The following IPO11 variants were observed in gnomAD, a reference collection of about 807,000 sequenced individuals.
The protein encoded by IPO11 is importin-11.
IPO11 carries 66 observed loss-of-function variants against 143.2 expected under a neutral mutation model. That is an observed-to-expected ratio of 0.46 (90% CI 0.38 to 0.57). IPO11 has a LOEUF of 0.57. IPO11 is among the 20% of genes least tolerant of loss of function. IPO11 has a pLI of 0.00. For synonymous variants in IPO11, 385 were observed against 377.8 expected (o/e 1.02, Z -0.22); for missense variants, 1,026 against 1,141.0 (o/e 0.90, Z 1.45).
At chr5:62,500,737 A>G (rs896514030) in intron 16 of IPO11, among the ~76,000 whole-genome samples, 4 of 152,142 alleles carry the variant, frequency 2.6e-5, no homozygotes, top group African/African-American at 4.8e-5. Flanking sequence ...GCCTCAAGCA[A>G]TTCTCCCTTT....
chr5:62,473,688 T>C (rs1745862391), intron 7 of IPO11, among the ~76,000 whole-genome samples: 1 of 152,216 alleles, frequency 6.6e-6, no homozygotes, highest in African/African-American at 2.4e-5. Context: ...TTATGATGTT[T>C]ATACACCAAC....
chr5:62,423,119 C>G (rs953991441), intron 1 of IPO11, among the ~76,000 whole-genome samples: 4 of 152,160 alleles, frequency 2.6e-5, no homozygotes, highest in Non-Finnish European at 4.4e-5. Flanking sequence ...ACTGAATGGA[C>G]TGTTCATACA....
rs776732789 is a variant in IPO11, at chr5:62,424,584, GTT to G, written c.-7+11670_-7+11671del. Among the ~76,000 whole-genome samples, 661 of 139,092 alleles carry G rather than the reference GTT, an allele frequency of 4.8e-3. 5 individuals are homozygous for G. Among genetic ancestry groups the G allele is most frequent in the African/African-American group, 0.016 (620 of 38,042 alleles). 91.2% of individuals were successfully genotyped at this position (139,092 alleles called of 152,430 possible). A position where few individuals can be genotyped will look rare whatever the true frequency, so the allele number is the denominator to read the frequency against. ...GTGCATGCCACCACACCTGGCTAAG[GTT>G]TTTTTTTTTTTTTTAATTTTTATTT... On this transcript the variant is annotated intron_variant, in intron 1 of 29. Coordinates refer to ENST00000325324, the MANE Select transcript of IPO11 (RefSeq NM_016338.5).
At chr5:62,560,432 G>A (rs989363840) in intron 26 of IPO11, among the ~76,000 whole-genome samples, 15 of 152,166 alleles carry the variant, frequency 9.9e-5, no homozygotes, top group African/African-American at 3.6e-4. Flanking sequence ...TCAGTGAATT[G>A]GATGAAGCCC....
chr5:62,507,401 T>C (rs1034656317), intron 19 of IPO11, among the ~76,000 whole-genome samples: 23 of 152,332 alleles, frequency 1.5e-4, no homozygotes, highest in Non-Finnish European at 2.9e-4. Context: ...GGTGTTTTTT[T>C]CAACAACATT....
intron 17 of IPO11, 21 bp downstream of exon 17, chr5:62,504,721 A>G (rs1162831020): frequency 6.8e-7 from 1 of 1,471,568 alleles, no homozygotes; most frequent in Admixed American, 2.0e-5. Flanking sequence ...GAAAATTTAA[A>G]AATACTTCAT....
chr5:62,456,563 C>G (rs1345550535), intron 5 of IPO11, among the ~76,000 whole-genome samples: 2 of 152,136 alleles, frequency 1.3e-5, no homozygotes, highest in African/African-American at 4.8e-5. Context: ...CTCAAGCAAT[C>G]CTCTCACCTC....
At position 62,474,397 on chromosome 5, in the gene IPO11, A is replaced by C; in HGVS notation, c.709-19A>C. ...TTATAACAATAAATTGAGATATTTA[A>C]AATAATATTCTTTTCTAGGGTTTTT... On this transcript the variant is annotated intron_variant, in intron 7 of 29. Coordinates refer to ENST00000325324, the MANE Select transcript of IPO11 (RefSeq NM_016338.5). The C allele has an allele frequency of 2.1e-6, 3 of 1,418,038 alleles. No homozygotes were observed. Among genetic ancestry groups the C allele is most frequent in the Non-Finnish European group, 1.9e-6 (2 of 1,032,122 alleles). The allele number at this position is 1,418,038 out of a possible 1,614,324, so 87.8% of individuals were successfully genotyped here.
At chr5:62,497,073 C>G (rs1341027018) in intron 16 of IPO11, among the ~76,000 whole-genome samples, 1 of 152,230 alleles carries the variant, frequency 6.6e-6, no homozygotes, top group African/African-American at 2.4e-5. Context: ...TCTGCATTCT[C>G]TTTCCTAAGG....
chr5:62,477,461 T>A (rs1561326700), intron 9 of IPO11, among the ~76,000 whole-genome samples: 1 of 152,228 alleles, frequency 6.6e-6, no homozygotes, highest in Non-Finnish European at 1.5e-5. Context: ...AGCTGTTTTT[T>A]ATCTTTGTGT....
At chr5:62,429,053 G>T (rs946862048) in intron 1 of IPO11, among the ~76,000 whole-genome samples, 1 of 152,088 alleles carries the variant, frequency 6.6e-6, no homozygotes, top group South Asian at 2.1e-4. Context: ...TGTAATTCAC[G>T]CACTGAAAAG....
At chr5:62,524,999 G>C (rs116549461) in intron 20 of IPO11, among the ~76,000 whole-genome samples, 1 of 152,068 alleles carries the variant, frequency 6.6e-6, no homozygotes, top group African/African-American at 2.4e-5. Context: ...GTAATACATT[G>C]AATCAACCTC....
chr5:62,553,346 G>GTGTGTGTT (rs1554055050), intron 26 of IPO11, among the ~76,000 whole-genome samples: 6 of 150,264 alleles, frequency 4.0e-5, no homozygotes, highest in African/African-American at 9.8e-5. Flanking sequence ...GTGTGTGTGT[G>GTGTGTGTT]TGTGTGTGTG....
rs145275538 is a variant in IPO11 at position 62,426,135 on chromosome 5, C to G, written c.-6-11139C>G. On this transcript the variant is annotated intron_variant, in intron 1 of 29. Transcript: ENST00000325324. Reference sequence around the variant, plus strand: ...GTCGTGGTGGCTCACGTCTGTAATCCCAGCACTTTGGGAGGCCAAGGCGGG... The same window carrying G: ...GTCGTGGTGGCTCACGTCTGTAATCGCAGCACTTTGGGAGGCCAAGGCGGG... Among the ~76,000 whole-genome samples, 673 of 152,234 alleles carry G rather than the reference C, an allele frequency of 4.4e-3. 8 individuals are homozygous for G. Among genetic ancestry groups the G allele is most frequent in the African/African-American group, 0.016 (649 of 41,512 alleles).
intron 17 of IPO11, 33 bp downstream of exon 17, chr5:62,504,733 G>T (rs1249403355): frequency 7.0e-7 from 1 of 1,436,932 alleles, no homozygotes; most frequent in Admixed American, 2.1e-5. Flanking sequence ...ATACTTCATT[G>T]CAAAGAACTT....
At chr5:62,442,850 G>T (rs1307214218) in intron 2 of IPO11, 133 bp from the exon 3 acceptor site, 2 of 337,304 alleles carry the variant, frequency 5.9e-6, no homozygotes, top group Non-Finnish European at 1.0e-5. Flanking sequence ...GGCGACGAGA[G>T]TGAAACTGTC....
intron 27 of IPO11, among the ~76,000 whole-genome samples, chr5:62,569,807 G>A (rs774141345): frequency 5.9e-5 from 9 of 152,106 alleles, no homozygotes; most frequent in Non-Finnish European, 1.0e-4. Context: ...TGAATATATG[G>A]TTTACAAAGG....
chr5:62,551,188 C>T (rs1384293711), intron 25 of IPO11, 35 bp from the exon 26 acceptor site: 7 of 1,176,400 alleles, frequency 6.0e-6, no homozygotes, highest in Admixed American at 1.8e-5. Context: ...TGTACCATAA[C>T]ACAATTTTAC....
At chr5:62,463,315 G>A (rs1561321093) in intron 5 of IPO11, among the ~76,000 whole-genome samples, 1 of 152,010 alleles carries the variant, frequency 6.6e-6, no homozygotes, top group East Asian at 1.9e-4. Flanking sequence ...CAAAGTGCTA[G>A]GATTACAGTT....
Sources: allele counts gnomAD v4.1 joint callset (sites outside exome capture counted in the v4.1 genomes callset), GRCh38; gene constraint gnomAD v4.1.1; transcripts MANE v1.5; gene names NCBI Gene and HGNC (gene_info 2026-07-23, HGNC 2026-07-21).